Variants in XK observed in about 807,000 individuals in gnomAD.
The protein encoded by XK is endoplasmic reticulum membrane adapter protein XK.
Under a neutral mutation model 14.0 loss-of-function variants are expected in XK, and 2 were observed. The ratio of observed to expected loss-of-function variants is 0.14; its 90% CI spans 0.06 to 0.45. XK has a LOEUF of 0.45. XK is among the 20% of genes least tolerant of loss of function. XK has a pLI of 0.98. For missense variants in XK, 235 were observed against 341.5 expected (o/e 0.69, Z 2.46); for synonymous variants, 149 against 147.5 (o/e 1.01, Z -0.08).
chrX:37,710,921 C>CTT (rs1927652157), intron 2 of XK, among the ~76,000 whole-genome samples: 1 of 111,715 alleles, frequency 9.0e-6, no homozygotes, highest in African/African-American at 3.3e-5. Flanking sequence ...GCCACCGATT[C>CTT]TTTAGGGGTG....
chrX:37,728,446 A>C lies in XK; in HGVS notation c.1319A>C (p.Asp440Ala). 8.3e-7 allele frequency: 1 copy of C among 1,209,248 alleles called. No individual in the cohort carries two copies. Residue 440 changes from aspartate to alanine, a missense_variant, in exon 3 of 3, where the codon GAT (aspartate) becomes GCT (alanine). Asp to Ala is a moderately radical substitution (Grantham distance 126). Transcript: ENST00000378616. ...CCTGGTCAGTTCTTGAATGCTGAAG[A>C]TCTCTGCTCTGCTTAATGGGACCCA... Reference protein sequence around the residue: ...PEPGQFLNAEDLCSA With the variant: ...PEPGQFLNAEALCSA
At chrX:37,690,519 A>G (rs1252788780) in intron 1 of XK, among the ~76,000 whole-genome samples, 1 of 112,410 alleles carries the variant, frequency 8.9e-6, no homozygotes, top group Non-Finnish European at 1.9e-5. Flanking sequence ...AGTGGGATAT[A>G]TGATGCTTGA....
rs782579241 is a variant in XK at position 37,687,558 on chromosome X, C to CT, written c.245+1353dup. Among the ~76,000 whole-genome samples, 5 of 110,383 alleles carry CT rather than the reference C, an allele frequency of 4.5e-5. No homozygotes were observed. The South Asian group carries it at 2.0e-3, about 43-fold the overall frequency. On this transcript the variant is annotated intron_variant, in intron 1 of 2. Coordinates refer to ENST00000378616, the MANE Select transcript of XK (RefSeq NM_021083.4). ...CTGTCTGGGCCTCCTAAAGTTCTCT[C>CT]TATGTTGCCCAGTATGGTCTGGAAC...
At chrX:37,708,573 T>C (rs1385166188) in intron 2 of XK, among the ~76,000 whole-genome samples, 3 of 112,345 alleles carry the variant, frequency 2.7e-5, no homozygotes, top group Non-Finnish European at 5.6e-5. Flanking sequence ...GAAACAAATT[T>C]ACGCCAAAAG....
chrX:37,727,507 C>T (rs1305561741), intron 2 of XK, 129 bp from the exon 3 acceptor site: 3 of 583,753 alleles, frequency 5.1e-6, no homozygotes, highest in Non-Finnish European at 8.5e-6. Flanking sequence ...ATGCTAACAA[C>T]TGGAAGTCAG....
chrX:37,691,464 T>G (rs1927201729), intron 1 of XK, among the ~76,000 whole-genome samples: 1 of 112,416 alleles, frequency 8.9e-6, no homozygotes, highest in Non-Finnish European at 1.9e-5. Flanking sequence ...TTACTAATAT[T>G]TTTATAATGG....
At chrX:37,702,421 C>T (rs782663325) in intron 2 of XK, among the ~76,000 whole-genome samples, 18 of 112,264 alleles carry the variant, frequency 1.6e-4, no homozygotes, top group Non-Finnish European at 1.5e-4. Context: ...TTTCCTAAAG[C>T]GCAGTCTACA....
chrX:37,705,999 T>C (rs1417325584), intron 2 of XK, among the ~76,000 whole-genome samples: 4 of 109,847 alleles, frequency 3.6e-5, no homozygotes, highest in African/African-American at 1.3e-4. Context: ...TTTTTTTCCA[T>C]GCAACTCATC....
chrX:37,705,739 TTTTCTTTCTTTC>T (rs1172807794), intron 2 of XK, among the ~76,000 whole-genome samples: 1 of 109,783 alleles, frequency 9.1e-6, no homozygotes, highest in African/African-American at 3.3e-5. Flanking sequence ...TTCTTTTTCT[TTTTCTTTCTTTC>T]TTTCTTTCTT....
intron 2 of XK, among the ~76,000 whole-genome samples, chrX:37,705,523 T>C (rs1324977804): frequency 9.1e-6 from 1 of 110,381 alleles, no homozygotes; most frequent in African/African-American, 3.3e-5. Flanking sequence ...AAATGATGAC[T>C]GTTAACACTA....
chrX:37,712,312 G>C (rs1215439930), intron 2 of XK, among the ~76,000 whole-genome samples: 12 of 111,931 alleles, frequency 1.1e-4, no homozygotes, highest in African/African-American at 3.6e-4. Flanking sequence ...CTGTTTTCTG[G>C]ACCAACTGTA....
At chrX:37,716,549 T>A (rs1927769393) in intron 2 of XK, among the ~76,000 whole-genome samples, 1 of 111,621 alleles carries the variant, frequency 9.0e-6, no homozygotes, top group African/African-American at 3.3e-5. Flanking sequence ...ATGGAGGATC[T>A]AATGGCCATG....
In XK at chrX:37,694,425, C is replaced by G. The variant is rs1556442169; in HGVS notation, c.385C>G (p.Leu129Val). The G allele has an allele frequency of 2.5e-6, 3 of 1,201,965 alleles. No homozygotes were observed. Among genetic ancestry groups the G allele is most frequent in the Non-Finnish European group, 3.4e-6 (3 of 889,585 alleles). Residue 129 changes from leucine to valine, a missense_variant, in exon 2 of 3, where the codon CTA (leucine) becomes GTA (valine). Leu to Val is a conservative substitution (Grantham distance 32). Coordinates refer to ENST00000378616, the MANE Select transcript of XK (RefSeq NM_021083.4). ...EKEVGQAEGK[L>V]ITHRSAFSRA... The stretch of plus-strand genomic sequence containing the variant: ...GGAGGTGGGCCAGGCAGAAGGCAAA[C>G]TAATCACCCACCGATCAGCGTTCAG...
intron 2 of XK, among the ~76,000 whole-genome samples, chrX:37,723,982 T>C (rs1218947178): frequency 9.0e-5 from 10 of 111,282 alleles, no homozygotes; most frequent in African/African-American, 3.3e-4. Context: ...CCCAGTCAAC[T>C]CAGGTAATGG....
chrX:37,730,511 A>G lies in XK; in HGVS notation c.*2049A>G, dbSNP rs1172046159. 1 of 112,769 alleles carries G rather than the reference A, an allele frequency of 8.9e-6. No homozygotes were observed. Among genetic ancestry groups the G allele is most frequent in the African/African-American group, 3.2e-5 (1 of 31,068 alleles). The allele number at this position is 112,769 out of a possible 1,213,427, so 9.3% of individuals were successfully genotyped here. A position where few individuals can be genotyped will look rare whatever the true frequency, so the allele number is the denominator to read the frequency against. ...CATTCCAAGTGTATATTTGTATCAC[A>G]CCAGTTACTTGTGTTCATTGACACC... On this transcript the variant is annotated 3_prime_UTR_variant, in exon 3 of 3. Coordinates refer to ENST00000378616, the MANE Select transcript of XK (RefSeq NM_021083.4).
chrX:37,688,362 G>C (rs1478123957), intron 1 of XK, among the ~76,000 whole-genome samples: 3 of 111,077 alleles, frequency 2.7e-5, no homozygotes, highest in African/African-American at 9.8e-5. Context: ...CACCGTGCCC[G>C]GCCTTATCAT....
At chrX:37,693,859 T>C (rs1416172604) in intron 1 of XK, among the ~76,000 whole-genome samples, 1 of 112,140 alleles carries the variant, frequency 8.9e-6, no homozygotes, top group Non-Finnish European at 1.9e-5. Flanking sequence ...TCACCATTTT[T>C]CACAGCAATA....
Position 37,686,043 on chromosome X carries a change from T to TACCGCTCGGGCGGGG in XK, c.88_102dup (p.Ser30_Arg34dup), listed in dbSNP as rs1188362030. The TACCGCTCGGGCGGGG allele has an allele frequency of 9.1e-6, 11 of 1,210,259 alleles. No homozygotes were observed. Among genetic ancestry groups the TACCGCTCGGGCGGGG allele is most frequent in the Non-Finnish European group, 1.1e-6 (1 of 895,182 alleles). On this transcript the variant is annotated inframe_insertion, in exon 1 of 3. Coordinates refer to ENST00000378616, the MANE Select transcript of XK (RefSeq NM_021083.4). ...GGCGGCGCTCAGCCTGAGCAGCACC[T>TACCGCTCGGGCGGGG]ACCGCTCGGGCGGGGACCGCATGTG...
intron 2 of XK, 123 bp downstream of exon 2, chrX:37,694,671 T>G (rs1351520631): frequency 4.1e-6 from 4 of 977,433 alleles, no homozygotes; most frequent in African/African-American, 1.9e-5. Flanking sequence ...TGTGTTCTAG[T>G]TACTATGCTC....
Sources: gnomAD v4.1 joint callset for allele counts (sites outside exome capture counted in the v4.1 genomes callset) on GRCh38, gnomAD v4.1.1 for gene constraint, MANE v1.5 for transcripts, NCBI Gene and HGNC (gene_info 2026-07-23, HGNC 2026-07-21) for gene names.